The following ME3 variants were observed in gnomAD, a reference collection of about 807,000 sequenced individuals.
ME3 encodes the protein NADP-dependent malic enzyme, mitochondrial.
ME3 carries 48 observed loss-of-function variants against 68.9 expected under a neutral mutation model. That is an observed-to-expected ratio of 0.70 (90% CI 0.55 to 0.89). The LOEUF is 0.89. Ranked by LOEUF, ME3 falls within the 40% of genes least tolerant of loss-of-function variation. The probability of loss-of-function intolerance (pLI) is 0.00; values close to 1 mark genes in which losing one functional copy is unlikely to be tolerated. For synonymous variants in ME3, 320 were observed against 318.8 expected, an observed-to-expected ratio of 1.00 and a Z score of -0.04; for missense variants, 675 against 797.4, an observed-to-expected ratio of 0.85 and a Z score of 1.85.
chr11:86,562,655 TTTTC>T lies in ME3; in HGVS notation c.184-2836_184-2833del, dbSNP rs1358588450. On this transcript the variant is annotated intron_variant, in intron 2 of 14. Transcript: ENST00000543262. Reference sequence around the variant, plus strand: ...CTATTGACATATAATGTTGAGTATCTTTTCTTTTTTTCCCTTAAATTTCAGCCTT... The same window carrying T: ...CTATTGACATATAATGTTGAGTATCTTTTTTTTCCCTTAAATTTCAGCCTT... 2.0e-5 allele frequency among the ~76,000 whole-genome samples: 3 copies of T among 152,164 alleles called. No homozygotes were observed. In the East Asian group the frequency reaches 5.8e-4, roughly 29 times the overall value.
intron 2 of ME3, among the ~76,000 whole-genome samples, chr11:86,583,255 C>G (rs781353953): frequency 6.6e-6 from 1 of 152,174 alleles, no homozygotes; most frequent in Non-Finnish European, 1.5e-5. Context: ...GATGATGAAG[C>G]CTAAATCTCA....
At chr11:86,522,829 G>T (rs1565896185) in intron 4 of ME3, among the ~76,000 whole-genome samples, 1 of 152,104 alleles carries the variant, frequency 6.6e-6, no homozygotes, top group Non-Finnish European at 1.5e-5. Context: ...TATTTACGTA[G>T]AATTTACATT....
intron 2 of ME3, among the ~76,000 whole-genome samples, chr11:86,605,320 G>A (rs1257642704): frequency 6.6e-6 from 1 of 152,134 alleles, no homozygotes; most frequent in East Asian, 1.9e-4. Flanking sequence ...TCCTCCTCAG[G>A]GCATCTGCAC....
chr11:86,661,071 A>T (rs189965591), intron 2 of ME3, among the ~76,000 whole-genome samples: 1 of 152,312 alleles, frequency 6.6e-6, no homozygotes, highest in Non-Finnish European at 1.5e-5. Flanking sequence ...ATTTTTACTG[A>T]GGTTACACTA....
At chr11:86,646,395 C>A (rs1440127334) in intron 2 of ME3, among the ~76,000 whole-genome samples, 1 of 152,158 alleles carries the variant, frequency 6.6e-6, no homozygotes, top group Non-Finnish European at 1.5e-5. Context: ...ACAAGAATTT[C>A]ATGAAACATA....
intron 1 of ME3, 27 bp from the exon 2 acceptor site, chr11:86,671,985 G>A: frequency 7.3e-7 from 1 of 1,366,304 alleles, no homozygotes; most frequent in Non-Finnish European, 9.4e-7. Flanking sequence ...AGCAAGGTCA[G>A]GGCCTCCTTC....
At chr11:86,562,080 T>C (rs1006829764) in intron 2 of ME3, among the ~76,000 whole-genome samples, 1 of 152,190 alleles carries the variant, frequency 6.6e-6, no homozygotes, top group Non-Finnish European at 1.5e-5. Context: ...CATCTCTCTT[T>C]CCTTCCCCAA....
chr11:86,560,748 G>GTGTATATATATATATATATA lies in ME3; in HGVS notation c.184-926_184-925insTATATATATATATATATACA, dbSNP rs1243025217. On this transcript the variant is annotated intron_variant, in intron 2 of 14. Transcript: ENST00000543262. Reference sequence around the variant, plus strand: ...TGTATGTGTGTGTGTGTGTGTGTGTGTATATATATATATATATATATATAT... The same window carrying GTGTATATATATATATATATA: ...TGTATGTGTGTGTGTGTGTGTGTGTGTGTATATATATATATATATATATATATATATATATATATATATAT... Among the ~76,000 whole-genome samples, 25 of 62,518 alleles carry GTGTATATATATATATATATA rather than the reference G, an allele frequency of 4.0e-4. 1 individual carries two copies. Among genetic ancestry groups the GTGTATATATATATATATATA allele is most frequent in the African/African-American group, 1.2e-3 (21 of 16,870 alleles). 41.0% of individuals were successfully genotyped at this position (62,518 alleles called of 152,430 possible). A position where few individuals can be genotyped will look rare whatever the true frequency, so the allele number is the denominator to read the frequency against.
intron 4 of ME3, among the ~76,000 whole-genome samples, chr11:86,549,058 C>A (rs1956529786): frequency 1.3e-5 from 2 of 152,226 alleles, no homozygotes; most frequent in Admixed American, 1.3e-4. Flanking sequence ...TTAACAAGCC[C>A]TCCAGGTGAT....
intron 4 of ME3, among the ~76,000 whole-genome samples, chr11:86,531,951 A>G (rs1166327854): frequency 6.6e-6 from 1 of 151,118 alleles, no homozygotes. Context: ...CATTGTGCAC[A>G]TGTACCCTAA....
chr11:86,645,714 G>A (rs1944965203), intron 2 of ME3, among the ~76,000 whole-genome samples: 1 of 152,200 alleles, frequency 6.6e-6, no homozygotes, highest in Non-Finnish European at 1.5e-5. Flanking sequence ...GGGATAGACT[G>A]CCTCCTCAAG....
At chr11:86,671,727 C>T (rs776476479) in intron 2 of ME3, 35 bp downstream of exon 2, 43 of 1,591,728 alleles carry the variant, frequency 2.7e-5, no homozygotes, top group Non-Finnish European at 3.5e-5. Flanking sequence ...GCCACGGGAT[C>T]GCAACGCGGG....
intron 2 of ME3, among the ~76,000 whole-genome samples, chr11:86,644,993 T>C (rs1232576341): frequency 6.6e-6 from 1 of 152,240 alleles, no homozygotes; most frequent in East Asian, 1.9e-4. Context: ...AGGGAAGCCA[T>C]GAGGGACTGT....
At chr11:86,505,449 C>A (rs1345277632) in intron 5 of ME3, among the ~76,000 whole-genome samples, 3 of 152,196 alleles carry the variant, frequency 2.0e-5, no homozygotes, top group Non-Finnish European at 4.4e-5. Flanking sequence ...CTCATGAAAT[C>A]TCCTGATTTA....
chr11:86,562,589 A>T (rs1957286984), intron 2 of ME3, among the ~76,000 whole-genome samples: 1 of 152,270 alleles, frequency 6.6e-6, no homozygotes, highest in East Asian at 1.9e-4. Flanking sequence ...GTTCTAGTAG[A>T]TGTACAGTGA....
intron 2 of ME3, among the ~76,000 whole-genome samples, chr11:86,572,899 G>A (rs1957883399): frequency 6.6e-6 from 1 of 152,180 alleles, no homozygotes; most frequent in Non-Finnish European, 1.5e-5. Flanking sequence ...CCCACCAACA[G>A]TGTAAAAGTG....
chr11:86,516,180 C>T lies in ME3; in HGVS notation c.468-7313G>A, dbSNP rs145155442. Among the ~76,000 whole-genome samples, 15 of 152,312 alleles carry T rather than the reference C, an allele frequency of 9.8e-5. 1 individual carries two copies. The East Asian group carries it at 2.5e-3, about 25-fold the overall frequency. On this transcript the variant is annotated intron_variant, in intron 4 of 14. Coordinates refer to ENST00000543262, the Ensembl canonical transcript of ME3. ...AAATAATTTTAGCTACTGATTACTTCTCCCAAGTTTTTCCTGTTTACTTCA... is the reference window on the plus strand; with the variant it reads ...AAATAATTTTAGCTACTGATTACTTTTCCCAAGTTTTTCCTGTTTACTTCA...
chr11:86,672,105 C>T (rs775465998), intron 1 of ME3, 147 bp from the exon 2 acceptor site: 26 of 672,258 alleles, frequency 3.9e-5, no homozygotes, highest in African/African-American at 5.7e-5. Context: ...GCCCCCGCCA[C>T]TCCTCGGCTG....
At chr11:86,436,015 C>T in the ME3 span, 1 of 152,190 alleles carries the variant, frequency 6.6e-6, no homozygotes, top group African/African-American at 2.4e-5. Context: ...GTTTCAGACC[C>T]AAGGCAGGAT....
Sources: allele counts gnomAD v4.1 joint callset (sites outside exome capture counted in the v4.1 genomes callset), GRCh38; gene constraint gnomAD v4.1.1; transcripts MANE v1.5; gene names NCBI Gene and HGNC (gene_info 2026-07-23, HGNC 2026-07-21).